CNTN5: variants seen among roughly 807,000 people sequenced by gnomAD.
CNTN5 encodes the protein contactin 5.
CNTN5 carries 77 observed loss-of-function variants against 129.1 expected under a neutral mutation model. The observed-to-expected ratio is 0.60, with a 90% CI of 0.50 to 0.72. The LOEUF is 0.72. Ranked by LOEUF, CNTN5 falls within the 30% of genes least tolerant of loss-of-function variation. CNTN5 has a pLI of 0.00. For missense variants in CNTN5, 1,478 were observed against 1,328.8 expected, an observed-to-expected ratio of 1.11 and a Z score of -1.75; for synonymous variants, 509 against 465.6, an observed-to-expected ratio of 1.09 and a Z score of -1.20.
chr11:100,337,612 C>T, intron 21 of CNTN5: 1 of 718,318 alleles, frequency 1.4e-6, no homozygotes, highest in East Asian at 3.0e-5. Flanking sequence ...TTTAAATCCA[C>T]AGATGCAGAA....
intron 13 of CNTN5, among the ~76,000 whole-genome samples, chr11:100,097,892 C>T (rs908621485): frequency 1.3e-4 from 20 of 152,040 alleles, no homozygotes; most frequent in Non-Finnish European, 2.6e-4. Context: ...TATTTCCTTT[C>T]AATAGCCGAT....
At chr11:99,991,564 T>C (rs1452480493) in intron 8 of CNTN5, among the ~76,000 whole-genome samples, 1 of 152,198 alleles carries the variant, frequency 6.6e-6, no homozygotes, top group African/African-American at 2.4e-5. Flanking sequence ...AGGGAATTCA[T>C]TTAATTTCAT....
chr11:99,111,043 T>C (rs1430155148), intron 1 of CNTN5, among the ~76,000 whole-genome samples: 1 of 152,154 alleles, frequency 6.6e-6, no homozygotes, highest in Non-Finnish European at 1.5e-5. Context: ...AGATTTTTCA[T>C]AGATAGTATG....
At chr11:99,905,271 A>G (rs897105509) in intron 6 of CNTN5, among the ~76,000 whole-genome samples, 1 of 152,136 alleles carries the variant, frequency 6.6e-6, no homozygotes, top group Admixed American at 6.6e-5. Context: ...TTGTGGTTTT[A>G]GGTCTTACGT....
chr11:99,660,826 T>C lies in CNTN5; in HGVS notation c.55+104557T>C, dbSNP rs186747393. 2.2e-3 allele frequency among the ~76,000 whole-genome samples: 338 copies of C among 152,140 alleles called. 1 individual carries two copies. Among genetic ancestry groups the C allele is most frequent in the African/African-American group, 7.4e-3 (309 of 41,546 alleles). On this transcript the variant is annotated intron_variant, in intron 3 of 24. Coordinates refer to ENST00000524871, the MANE Select transcript of CNTN5 (RefSeq NM_014361.4). Reference sequence around the variant, plus strand: ...GAAACTCTTAGTTAATAGTTGTTTTTTTCTTCTCTACATTTCAATGGGTAG... The same window carrying C: ...GAAACTCTTAGTTAATAGTTGTTTTCTTCTTCTCTACATTTCAATGGGTAG...
chr11:99,408,446 A>G (rs11219793), intron 2 of CNTN5, among the ~76,000 whole-genome samples: 298 of 18,652 alleles, frequency 0.016, 4 homozygotes, highest in South Asian at 0.042. Flanking sequence ...GAAAGAAAGA[A>G]AGAGAAAGAA....
At chr11:99,331,196 T>C (rs1306148005) in intron 2 of CNTN5, among the ~76,000 whole-genome samples, 3 of 152,102 alleles carry the variant, frequency 2.0e-5, no homozygotes, top group African/African-American at 7.2e-5. Context: ...CTTTGGAAGA[T>C]ACTAGAAAGC....
intron 2 of CNTN5, among the ~76,000 whole-genome samples, chr11:99,431,814 G>A (rs996989994): frequency 6.6e-6 from 1 of 152,156 alleles, no homozygotes; most frequent in African/African-American, 2.4e-5. Flanking sequence ...ATAATTTTGA[G>A]GACTTGAGTA....
chr11:99,997,953 C>A (rs1939568773), intron 8 of CNTN5, among the ~76,000 whole-genome samples: 1 of 152,132 alleles, frequency 6.6e-6, no homozygotes, highest in African/African-American at 2.4e-5. Flanking sequence ...CAAAATTCAA[C>A]AATCTTCATG....
intron 13 of CNTN5, among the ~76,000 whole-genome samples, chr11:100,142,758 A>AT (rs142806892): frequency 0.056 from 8,400 of 149,466 alleles, 277 homozygotes; most frequent in Non-Finnish European, 0.081. Flanking sequence ...TAATGATGTC[A>AT]TTTTTTTTTT....
chr11:99,987,528 T>TATATAC (rs770944002), intron 8 of CNTN5, among the ~76,000 whole-genome samples: 4,243 of 65,906 alleles, frequency 0.064, 185 homozygotes, highest in East Asian at 0.24. Context: ...TTTATGAATA[T>TATATAC]ATATATATAT....
chr11:99,308,974 C>T (rs918538917), intron 1 of CNTN5, among the ~76,000 whole-genome samples: 1 of 152,098 alleles, frequency 6.6e-6, no homozygotes, highest in Non-Finnish European at 1.5e-5. Context: ...ATTCCTTATA[C>T]AAAATATACA....
In CNTN5 at chr11:100,074,240, C is replaced by A; in HGVS notation, c.1526C>A (p.Pro509Gln). Residue 509 changes from proline (P) to glutamine (Q), a missense_variant, in exon 13 of 25, where the codon CCA becomes CAA. Coordinates refer to ENST00000524871, the MANE Select transcript of CNTN5 (RefSeq NM_014361.4). ...VVIECKPQGS[P>Q]KPTISWKKGD... ...ATAGAGTGCAAACCCCAAGGCTCTCCAAAACCAACCATCTCTTGGAAGAAA... is the reference window on the plus strand; with the variant it reads ...ATAGAGTGCAAACCCCAAGGCTCTCAAAAACCAACCATCTCTTGGAAGAAA... 6.2e-7 allele frequency: 1 copy of A among 1,610,998 alleles called. No homozygotes were observed. The highest frequency in any genetic ancestry group is 8.5e-7 in the Non-Finnish European group (1 of 1,178,366).
intron 21 of CNTN5, among the ~76,000 whole-genome samples, chr11:100,325,836 G>A (rs1036847131): frequency 2.0e-5 from 3 of 152,176 alleles, no homozygotes; most frequent in African/African-American, 4.8e-5. Context: ...AGACACAAAG[G>A]TGATGAGACT....
At chr11:99,836,946 GGAGTGTAGCAGTGAAGATGACCA>G (rs1185195196) in intron 4 of CNTN5, among the ~76,000 whole-genome samples, 1 of 152,150 alleles carries the variant, frequency 6.6e-6, no homozygotes, top group Non-Finnish European at 1.5e-5. Flanking sequence ...GGTGCTGGTG[GGAGTGTAGCAGTGAAGATGACCA>G]GAGGTCACTC....
Position 99,667,811 on chromosome 11 carries a change from G to A in CNTN5, c.55+111542G>A, listed in dbSNP as rs574653533. ...GCTTGTTAGCGGGTGGCGAGTGAGG[G>A]GAAGGAACTTAGAGGATGGGTCAAT... is the stretch of plus-strand genomic sequence containing the variant. On this transcript the variant is annotated intron_variant, in intron 3 of 24. Transcript: ENST00000524871. Among the ~76,000 whole-genome samples, 3 of 152,164 alleles carry A rather than the reference G, an allele frequency of 2.0e-5. No individual in the cohort carries two copies. In the South Asian group the frequency reaches 6.2e-4, roughly 32 times the overall value.
chr11:99,852,700 G>C (rs1490989914), intron 6 of CNTN5, among the ~76,000 whole-genome samples: 2 of 152,010 alleles, frequency 1.3e-5, no homozygotes, highest in Admixed American at 1.3e-4. Flanking sequence ...TCCTGGCTTG[G>C]CACAGGGTAT....
chr11:99,354,817 G>A (rs4631845), intron 2 of CNTN5, among the ~76,000 whole-genome samples: 15,769 of 152,098 alleles, frequency 0.1, 994 homozygotes, highest in African/African-American at 0.17. Flanking sequence ...ACAGTTCCAT[G>A]TTTAAAACCC....
intron 6 of CNTN5, among the ~76,000 whole-genome samples, chr11:99,879,577 A>G (rs973936981): frequency 1.4e-4 from 21 of 151,892 alleles, no homozygotes; most frequent in Admixed American, 1.2e-3. Flanking sequence ...CCTAGTGCGA[A>G]CTGTGTTTGA....
Sources: gnomAD v4.1 joint callset for allele counts (sites outside exome capture counted in the v4.1 genomes callset) on GRCh38, gnomAD v4.1.1 for gene constraint, MANE v1.5 for transcripts, NCBI Gene and HGNC (gene_info 2026-07-23, HGNC 2026-07-21) for gene names.